Variants in MAP3K13 observed in about 807,000 individuals in gnomAD.
MAP3K13 encodes the protein leucine zipper-bearing kinase.
Under a neutral mutation model 104.0 loss-of-function variants are expected in MAP3K13, and 52 were observed. That is an observed-to-expected ratio of 0.50 (90% CI 0.40 to 0.63). The LOEUF (loss-of-function observed/expected upper bound fraction) is 0.63. Ranked by LOEUF, MAP3K13 falls within the 20% of genes least tolerant of loss-of-function variation. The pLI is 0.00. For synonymous variants in MAP3K13, 394 were observed against 442.2 expected (o/e 0.89, Z 1.37); for missense variants, 914 against 1,218.5 (o/e 0.75, Z 3.72).
At chr3:185,363,124 CT>C (rs140714262), upstream of MAP3K13, 2,810 of 795,528 alleles carry the variant, frequency 3.5e-3, 50 homozygotes, top group African/African-American at 0.045. Flanking sequence ...ACCCGCCCCT[CT>C]TTTTTTTTTC....
intron 2 of MAP3K13, among the ~76,000 whole-genome samples, chr3:185,310,292 A>C (rs887969040): frequency 2.0e-5 from 3 of 152,258 alleles, no homozygotes; most frequent in African/African-American, 7.2e-5. Context: ...ATTTCCAGGA[A>C]TAACTATTCT....
rs1718800759 is a variant in MAP3K13, at chr3:185,487,997, G to T, written c.*5541G>T. ...GAAAGGCCACTTGCCTCTACCCACT[G>T]CCCTTTTGGACAACAATTCCAATTG... On this transcript the variant is annotated 3_prime_UTR_variant, in exon 14 of 14. Coordinates refer to ENST00000265026, the MANE Select transcript of MAP3K13 (RefSeq NM_004721.5). The T allele has an allele frequency of 6.6e-6, 1 of 152,202 alleles. No individual in the cohort carries two copies. The highest frequency in any genetic ancestry group is 1.5e-5 in the Non-Finnish European group (1 of 68,036). 9.4% of individuals were successfully genotyped at this position (152,202 alleles called of 1,614,324 possible). A position where few individuals can be genotyped will look rare whatever the true frequency, so the allele number is the denominator to read the frequency against.
At chr3:185,302,446 T>G (rs972127889) in intron 2 of MAP3K13, among the ~76,000 whole-genome samples, 1 of 152,096 alleles carries the variant, frequency 6.6e-6, no homozygotes, top group African/African-American at 2.4e-5. Context: ...ATAAATAATA[T>G]TAAGTCTTCA....
At chr3:185,408,789 A>G (rs2108783789) in intron 1 of MAP3K13, among the ~76,000 whole-genome samples, 1 of 152,276 alleles carries the variant, frequency 6.6e-6, no homozygotes, top group Admixed American at 6.5e-5. Context: ...AGCATTATGT[A>G]ATAAACATGG....
rs1254515342 is a variant in MAP3K13, at chr3:185,395,359, T to TTC, written c.-86+31992_-86+31993insCT. ...GCATTTCTAATTCAATATTATTTCT[T>TTC]TTTTTTTTTTTTTTTTTGAGACGGA... On this transcript the variant is annotated intron_variant, in intron 1 of 13. Coordinates refer to ENST00000265026, the MANE Select transcript of MAP3K13 (RefSeq NM_004721.5). Among the ~76,000 whole-genome samples, 8 of 55,802 alleles carry TTC rather than the reference T, an allele frequency of 1.4e-4. 3 individuals are homozygous for TTC. Among genetic ancestry groups the TTC allele is most frequent in the African/African-American group, 2.0e-4 (2 of 9,852 alleles). The allele number at this position is 55,802 out of a possible 152,430, so 36.6% of individuals were successfully genotyped here. A position where few individuals can be genotyped will look rare whatever the true frequency, so the allele number is the denominator to read the frequency against.
intron 2 of MAP3K13, among the ~76,000 whole-genome samples, chr3:185,354,614 G>C (rs778086524): frequency 0.047 from 7,109 of 151,584 alleles, 203 homozygotes; most frequent in South Asian, 0.1. Context: ...AGTATGGGGG[G>C]GGGGCAGGGT....
At position 185,363,233 on chromosome 3, in the gene MAP3K13, T is replaced by G. The variant is rs1283423004; in HGVS notation, c.-221T>G. Reference sequence around the variant, plus strand: ...ACGTCAGCAAGCCTTTGGGCTCCTTTGCGGTGGGCTGGAGGATTGTGTGGG... The same window carrying G: ...ACGTCAGCAAGCCTTTGGGCTCCTTGGCGGTGGGCTGGAGGATTGTGTGGG... On this transcript the variant is annotated 5_prime_UTR_variant, in exon 1 of 14. Transcript: ENST00000265026. 2 of 985,398 alleles carry G rather than the reference T, an allele frequency of 2.0e-6. No individual in the cohort carries two copies. The highest frequency in any genetic ancestry group is 2.4e-6 in the Non-Finnish European group (2 of 829,936). 61.0% of individuals were successfully genotyped at this position (985,398 alleles called of 1,614,324 possible).
chr3:185,325,125 G>A (rs1410810781), intron 2 of MAP3K13, among the ~76,000 whole-genome samples: 2 of 152,194 alleles, frequency 1.3e-5, no homozygotes, highest in African/African-American at 4.8e-5. Flanking sequence ...TTAAGTAGAC[G>A]TAGTTAGGCT....
rs573354776 is a variant in MAP3K13, at chr3:185,405,126, T to G, written c.-85-23371T>G. On this transcript the variant is annotated intron_variant, in intron 1 of 13. Transcript: ENST00000265026. ...AGCATGCTTATTTCTACCTGACTAC[T>G]GTTAGATTTCTAGAAGTGGTTCTGA... Among the ~76,000 whole-genome samples the G allele has an allele frequency of 5.9e-5, 9 of 152,314 alleles. No homozygotes were observed. The East Asian group carries it at 1.7e-3, about 29-fold the overall frequency.
chr3:185,392,182 C>A (rs1712099761), intron 1 of MAP3K13, among the ~76,000 whole-genome samples: 1 of 152,160 alleles, frequency 6.6e-6, no homozygotes, highest in African/African-American at 2.4e-5. Flanking sequence ...GGATTTACCC[C>A]AGATTATACA....
intron 7 of MAP3K13, among the ~76,000 whole-genome samples, chr3:185,455,275 G>A (rs866878880): frequency 3.7e-5 from 1 of 26,738 alleles, no homozygotes; most frequent in Non-Finnish European, 1.1e-4. Flanking sequence ...AGATATATAT[G>A]AGATATATGA....
At chr3:185,372,370 G>GA (rs1279072832) in intron 1 of MAP3K13, among the ~76,000 whole-genome samples, 2 of 152,046 alleles carry the variant, frequency 1.3e-5, no homozygotes, top group Non-Finnish European at 2.9e-5. Flanking sequence ...GTTTGTCTAA[G>GA]AAAAAATAAT....
intron 1 of MAP3K13, among the ~76,000 whole-genome samples, chr3:185,415,311 C>T (rs571308620): frequency 6.6e-6 from 1 of 151,740 alleles, no homozygotes; most frequent in Admixed American, 6.6e-5. Context: ...TGCCACCATG[C>T]CTAGCTAATT....
upstream of MAP3K13, among the ~76,000 whole-genome samples, chr3:185,358,912 C>T (rs1723487486): frequency 3.3e-5 from 5 of 152,276 alleles, no homozygotes; most frequent in Admixed American, 2.6e-4. Flanking sequence ...CCTGAAGGTT[C>T]CCCTGATCTG....
rs563368770 is a variant in MAP3K13 at position 185,388,465 on chromosome 3, G to T, written c.-86+25097G>T. Among the ~76,000 whole-genome samples the T allele has an allele frequency of 3.3e-5, 5 of 152,220 alleles. No homozygotes were observed. The South Asian group carries it at 8.3e-4, about 25-fold the overall frequency. On this transcript the variant is annotated intron_variant, in intron 1 of 13. Transcript: ENST00000265026. ...TGTAGCGAGCCATGATCACAGCACT[G>T]CACTCCAGCCTAGGTGACAGAGTGA...
intron 2 of MAP3K13, among the ~76,000 whole-genome samples, chr3:185,303,017 T>G (rs1261797466): frequency 2.0e-5 from 3 of 152,172 alleles, no homozygotes; most frequent in Non-Finnish European, 4.4e-5. Context: ...CCTTCTATTT[T>G]TAGTTTGTTG....
chr3:185,367,706 C>T (rs535367598), intron 1 of MAP3K13, among the ~76,000 whole-genome samples: 2 of 152,132 alleles, frequency 1.3e-5, no homozygotes, highest in African/African-American at 2.4e-5. Flanking sequence ...AAGCCATCTT[C>T]CCACCTCAGG....
intron 2 of MAP3K13, chr3:185,292,649 C>G (rs1290770847): frequency 1.0e-6 from 1 of 985,200 alleles, no homozygotes. Context: ...AGTTGGAAGT[C>G]ATTCCCTCAG....
chr3:185,336,541 CAAA>C (rs1357841912), intron 2 of MAP3K13, among the ~76,000 whole-genome samples: 11 of 77,882 alleles, frequency 1.4e-4, no homozygotes, highest in Admixed American at 2.8e-4. Flanking sequence ...GACTCTGTCT[CAAA>C]AAAAAAAAAA....
Sources: allele counts gnomAD v4.1 joint callset (sites outside exome capture counted in the v4.1 genomes callset), GRCh38; gene constraint gnomAD v4.1.1; transcripts MANE v1.5; gene names NCBI Gene and HGNC (gene_info 2026-07-23, HGNC 2026-07-21).